The following PLEKHA5 variants were observed in gnomAD, a reference collection of about 807,000 sequenced individuals.
PLEKHA5 encodes the protein pleckstrin homology domain-containing family A member 5.
A neutral mutation model predicts 181.9 loss-of-function variants in PLEKHA5; 55 were observed. The observed-to-expected ratio is 0.30, with a 90% confidence interval of 0.24 to 0.38. The LOEUF is 0.38. PLEKHA5 is among the 10% of genes least tolerant of loss of function. The pLI is 1.00. For synonymous variants in PLEKHA5, 535 were observed against 529.4 expected (o/e 1.01, Z -0.15); for missense variants, 1,432 against 1,549.5 (o/e 0.92, Z 1.27).
chr12:19,215,006 C>T (rs1291195363), intron 3 of PLEKHA5, among the ~76,000 whole-genome samples: 2 of 151,962 alleles, frequency 1.3e-5, no homozygotes, highest in Admixed American at 6.6e-5. Flanking sequence ...GGTGAAACCC[C>T]GTTTCTACTA....
chr12:19,349,856 T>C (rs994149638), intron 25 of PLEKHA5, among the ~76,000 whole-genome samples: 3 of 152,070 alleles, frequency 2.0e-5, no homozygotes. Flanking sequence ...CTCACTCCTG[T>C]AATCCCAGCA....
intron 31 of PLEKHA5, chr12:19,370,639 A>T (rs2095551140): frequency 6.6e-6 from 1 of 152,080 alleles, no homozygotes; most frequent in Non-Finnish European, 1.5e-5. Context: ...CAGCAGAAAC[A>T]TATAGAGACA....
intron 3 of PLEKHA5, among the ~76,000 whole-genome samples, chr12:19,203,385 C>T (rs187008174): frequency 1.3e-5 from 2 of 152,180 alleles, no homozygotes; most frequent in African/African-American, 4.8e-5. Flanking sequence ...TAGTTTTTAT[C>T]TCTTTCTTTC....
intron 3 of PLEKHA5, among the ~76,000 whole-genome samples, chr12:19,144,056 G>A (rs2038203926): frequency 6.6e-6 from 1 of 152,084 alleles, no homozygotes; most frequent in Non-Finnish European, 1.5e-5. Flanking sequence ...GTTCTCACTT[G>A]AGAACATATA....
chr12:19,238,799 C>CAAA (rs3056444), intron 3 of PLEKHA5, among the ~76,000 whole-genome samples: 82 of 85,474 alleles, frequency 9.6e-4, no homozygotes, highest in Non-Finnish European at 1.3e-3. Flanking sequence ...TAAATCTGGC[C>CAAA]AAAAAAAAAA....
chr12:19,182,551 C>T (rs935431712), intron 3 of PLEKHA5, among the ~76,000 whole-genome samples: 2 of 152,144 alleles, frequency 1.3e-5, no homozygotes, highest in African/African-American at 4.8e-5. Flanking sequence ...AATTTGAGTA[C>T]TCTAACAATA....
chr12:19,332,323 T>TTTTC (rs2092925857), intron 20 of PLEKHA5, among the ~76,000 whole-genome samples: 1 of 152,110 alleles, frequency 6.6e-6, no homozygotes, highest in South Asian at 2.1e-4. Context: ...CACACTATTT[T>TTTTC]TTTCTTTTCT....
At chr12:19,167,799 C>T (rs116111664) in intron 3 of PLEKHA5, among the ~76,000 whole-genome samples, 4,099 of 152,120 alleles carry the variant, frequency 0.027, 186 homozygotes, top group African/African-American at 0.093. Flanking sequence ...GAGAAGAATG[C>T]AGTGTCATAA....
chr12:19,131,692 TG>T (rs1431758120), intron 2 of PLEKHA5, among the ~76,000 whole-genome samples: 1 of 152,178 alleles, frequency 6.6e-6, no homozygotes, highest in African/African-American at 2.4e-5. Context: ...TTTTCTGGTT[TG>T]GTTTTACTTT....
At chr12:19,288,112 T>C (rs1445418986) in intron 13 of PLEKHA5, 1 of 314,850 alleles carries the variant, frequency 3.2e-6, no homozygotes, top group Non-Finnish European at 6.1e-6. Context: ...CTTTATTGTA[T>C]GAACTAGGTG....
At chr12:19,361,095 A>C (rs752748782) in intron 28 of PLEKHA5, among the ~76,000 whole-genome samples, 5 of 152,064 alleles carry the variant, frequency 3.3e-5, no homozygotes, top group Admixed American at 6.6e-5. Flanking sequence ...GCATCCTAGT[A>C]GTAAAGAATG....
intron 3 of PLEKHA5, chr12:19,154,604 C>T (rs1591832918): frequency 6.6e-6 from 1 of 152,260 alleles, no homozygotes; most frequent in East Asian, 1.9e-4. Context: ...ATAAAGGTGA[C>T]TCATCTCTTA....
intron 3 of PLEKHA5, among the ~76,000 whole-genome samples, chr12:19,134,994 G>A (rs1484729997): frequency 1.3e-5 from 2 of 152,072 alleles, no homozygotes; most frequent in Non-Finnish European, 1.5e-5. Flanking sequence ...CAGGGTTATC[G>A]GGGTGGATTT....
chr12:19,227,213 A>G (rs1294838271), intron 3 of PLEKHA5, among the ~76,000 whole-genome samples: 1 of 151,904 alleles, frequency 6.6e-6, no homozygotes, highest in Non-Finnish European at 1.5e-5. Context: ...CTTGGTGCCT[A>G]CCAAATTGCT....
intron 13 of PLEKHA5, 75 bp downstream of exon 13, chr12:19,287,631 T>A (rs2077503923): frequency 2.4e-6 from 2 of 844,514 alleles, no homozygotes; most frequent in African/African-American, 1.7e-5. Context: ...TAACATAATT[T>A]TTAAGTTTGA....
At chr12:19,172,908 T>G (rs2046245173) in intron 3 of PLEKHA5, among the ~76,000 whole-genome samples, 1 of 150,940 alleles carries the variant, frequency 6.6e-6, no homozygotes, top group African/African-American at 2.4e-5. Flanking sequence ...GTGGTGATCA[T>G]TCTCCTCGTG....
chr12:19,172,402 C>T (rs953276758), intron 3 of PLEKHA5, among the ~76,000 whole-genome samples: 2 of 144,338 alleles, frequency 1.4e-5, no homozygotes, highest in African/African-American at 5.0e-5. Context: ...GCAAAGAAAT[C>T]ATATCCAAGT....
chr12:19,262,575 T>G (rs1280326279), intron 7 of PLEKHA5, among the ~76,000 whole-genome samples: 1 of 152,202 alleles, frequency 6.6e-6, no homozygotes, highest in African/African-American at 2.4e-5. Context: ...CAAAAACCAC[T>G]GAATTCCTTG....
intron 3 of PLEKHA5, among the ~76,000 whole-genome samples, chr12:19,218,236 T>A (rs1435960600): frequency 6.6e-6 from 1 of 152,188 alleles, no homozygotes; most frequent in Non-Finnish European, 1.5e-5. Context: ...TTTAGATACA[T>A]CCGAGACATT....
Sources: allele counts gnomAD v4.1 joint callset (sites outside exome capture counted in the v4.1 genomes callset), GRCh38; gene constraint gnomAD v4.1.1; transcripts MANE v1.5; gene names NCBI Gene and HGNC (gene_info 2026-07-23, HGNC 2026-07-21).